Variants in KLF15 observed in about 807,000 individuals in gnomAD.
KLF15 encodes KLF transcription factor 15.
KLF15 carries 4 observed loss-of-function variants against 24.6 expected under a neutral mutation model. That is an observed-to-expected ratio of 0.16 (90% CI 0.08 to 0.37). The LOEUF (loss-of-function observed/expected upper bound fraction) is 0.37. KLF15 is among the 10% of genes least tolerant of loss of function. The pLI is 1.00. For missense variants in KLF15, 496 were observed against 560.6 expected, an observed-to-expected ratio of 0.88 and a Z score of 1.16; for synonymous variants, 246 against 236.3, an observed-to-expected ratio of 1.04 and a Z score of -0.37.
At chr3:126,341,372 G>A (rs1027196215), downstream of KLF15, among the ~76,000 whole-genome samples, 3 of 152,152 alleles carry the variant, frequency 2.0e-5, no homozygotes, top group African/African-American at 4.8e-5. Context: ...GTTATTCCAC[G>A]TCCCATGTCA....
the KLF15 span, among the ~76,000 whole-genome samples, chr3:126,302,410 A>T: frequency 6.6e-6 from 1 of 151,030 alleles, no homozygotes; most frequent in Non-Finnish European, 1.5e-5. Context: ...TCATAGTGTT[A>T]TTTAAGGCTT....
At chr3:126,299,606 G>T in the KLF15 span, among the ~76,000 whole-genome samples, 1 of 151,756 alleles carries the variant, frequency 6.6e-6, no homozygotes. Context: ...AAAATTAGCC[G>T]GGCATGGTGG....
chr3:126,355,406 A>G (rs902799089), intron 1 of KLF15, among the ~76,000 whole-genome samples: 1 of 152,196 alleles, frequency 6.6e-6, no homozygotes, highest in Non-Finnish European at 1.5e-5. Flanking sequence ...CCTCTCTTCT[A>G]GTCCAGGTGT....
the KLF15 span, among the ~76,000 whole-genome samples, chr3:126,309,351 C>G: frequency 7.1e-3 from 1,089 of 152,314 alleles, 9 homozygotes; most frequent in African/African-American, 0.024. Flanking sequence ...CATCCTGGAG[C>G]TGAGTGATTA....
chr3:126,307,248 C>A, the KLF15 span, among the ~76,000 whole-genome samples: 1 of 152,322 alleles, frequency 6.6e-6, no homozygotes, highest in South Asian at 2.1e-4. Flanking sequence ...CACCCAGCAC[C>A]CTTCCTGGGT....
chr3:126,343,629 G>A lies in KLF15; in HGVS notation c.*98C>T. On this transcript the variant is annotated 3_prime_UTR_variant, in exon 3 of 3. Transcript: ENST00000296233. ...CTTCAGAAGGTGGGCTGGTAACATTGCCATGTCCCTCTGGAGGAGGCAAAT... is the reference window on the plus strand; with the variant it reads ...CTTCAGAAGGTGGGCTGGTAACATTACCATGTCCCTCTGGAGGAGGCAAAT... 1 of 1,234,080 alleles carries A rather than the reference G, an allele frequency of 8.1e-7. No individual in the cohort carries two copies. Among genetic ancestry groups the A allele is most frequent in the Non-Finnish European group, 1.1e-6 (1 of 873,880 alleles). The allele number at this position is 1,234,080 out of a possible 1,614,324, so 76.4% of individuals were successfully genotyped here. A position where few individuals can be genotyped will look rare whatever the true frequency, so the allele number is the denominator to read the frequency against.
chr3:126,312,455 A>G, the KLF15 span, among the ~76,000 whole-genome samples: 3 of 152,184 alleles, frequency 2.0e-5, no homozygotes, highest in African/African-American at 4.8e-5. Context: ...GACTACAAGC[A>G]TGAGCCACCG....
At chr3:126,305,809 A>G in the KLF15 span, among the ~76,000 whole-genome samples, 1 of 152,162 alleles carries the variant, frequency 6.6e-6, no homozygotes, top group South Asian at 2.1e-4. Context: ...CTGACCACAA[A>G]CCCTTTTCAG....
intron 2 of KLF15, among the ~76,000 whole-genome samples, chr3:126,346,657 C>A (rs988982221): frequency 5.3e-5 from 8 of 152,174 alleles, no homozygotes; most frequent in African/African-American, 1.2e-4. Context: ...AATTCCCTCC[C>A]TGCTGCCACA....
chr3:126,320,852 C>T, the KLF15 span, among the ~76,000 whole-genome samples: 6 of 151,968 alleles, frequency 3.9e-5, no homozygotes, highest in African/African-American at 1.5e-4. Flanking sequence ...CTTCAGGCTG[C>T]CTCTAGCCAG....
Position 126,352,473 on chromosome 3 carries a change from C to T in KLF15, c.450G>A (p.Glu150=), listed in dbSNP as rs2082592473. ...TLEEIEEFLE[E]NMEPGVKEVP... is the part of the protein sequence containing the mutation. ...CCTCCTTGACTCCAGGCTCCATGTT[C>T]TCCTCCAGAAACTCTTCAATCTCCT... Residue 150 remains glutamate (E), a synonymous_variant, in exon 2 of 3, where the codon GAG becomes GAA. Transcript: ENST00000296233. 1.2e-6 allele frequency: 2 copies of T among 1,613,438 alleles called. No individual in the cohort carries two copies. The highest frequency in any genetic ancestry group is 1.7e-6 in the Non-Finnish European group (2 of 1,180,040).
At chr3:126,340,545 C>G (rs955955955), downstream of KLF15, among the ~76,000 whole-genome samples, 3 of 152,198 alleles carry the variant, frequency 2.0e-5, no homozygotes, top group African/African-American at 7.2e-5. Flanking sequence ...TTGGGGATTT[C>G]TTTGTTATAG....
the KLF15 span, among the ~76,000 whole-genome samples, chr3:126,318,509 A>G: frequency 6.6e-6 from 1 of 152,068 alleles, no homozygotes; most frequent in Admixed American, 6.6e-5. Context: ...ACCTAAGGGG[A>G]AGGGTGATGT....
the KLF15 span, among the ~76,000 whole-genome samples, chr3:126,326,439 C>T: frequency 6.6e-6 from 1 of 152,136 alleles, no homozygotes; most frequent in Admixed American, 6.5e-5. Context: ...TTTATAACAG[C>T]AAATGTTTGA....
the KLF15 span, among the ~76,000 whole-genome samples, chr3:126,306,962 A>G: frequency 6.6e-6 from 1 of 152,202 alleles, no homozygotes; most frequent in South Asian, 2.1e-4. Flanking sequence ...TCCTCTGCCA[A>G]TTGCCACGTC....
the KLF15 span, among the ~76,000 whole-genome samples, chr3:126,296,308 C>T: frequency 1.3e-5 from 2 of 152,146 alleles, no homozygotes; most frequent in African/African-American, 2.4e-5. Flanking sequence ...CCCAGGTTCA[C>T]GCCATTCTCC....
chr3:126,326,887 TAATA>T, the KLF15 span, among the ~76,000 whole-genome samples: 3 of 152,364 alleles, frequency 2.0e-5, no homozygotes, highest in Non-Finnish European at 2.9e-5. Flanking sequence ...TAACTATAAT[TAATA>T]AATAAATTTT....
chr3:126,294,293 CT>C, the KLF15 span, among the ~76,000 whole-genome samples: 2 of 152,106 alleles, frequency 1.3e-5, no homozygotes, highest in African/African-American at 4.8e-5. Context: ...ACTGTTTTTC[CT>C]TTGTAACCAT....
At chr3:126,299,320 A>G in the KLF15 span, among the ~76,000 whole-genome samples, 1 of 152,202 alleles carries the variant, frequency 6.6e-6, no homozygotes, top group Non-Finnish European at 1.5e-5. Flanking sequence ...GTTGGCGTAT[A>G]GCAGTGCTAC....
Sources: gnomAD v4.1 joint callset for allele counts (sites outside exome capture counted in the v4.1 genomes callset) on GRCh38, gnomAD v4.1.1 for gene constraint, MANE v1.5 for transcripts, NCBI Gene and HGNC (gene_info 2026-07-23, HGNC 2026-07-21) for gene names.